Variants in FGF13 observed in about 807,000 individuals in gnomAD.
FGF13 encodes fibroblast growth factor homologous factor 2.
In FGF13, 2 loss-of-function variants were observed where a neutral mutation model predicts 19.5. That is an observed-to-expected ratio of 0.10 (90% CI 0.04 to 0.32). FGF13 has a LOEUF of 0.32. Among genes scored for constraint, FGF13 ranks in the 10% least tolerant of loss-of-function variants. FGF13 has a pLI of 1.00. For missense variants in FGF13, 113 were observed against 192.7 expected, an observed-to-expected ratio of 0.59 and a Z score of 2.45; for synonymous variants, 72 against 76.9, an observed-to-expected ratio of 0.94 and a Z score of 0.33.
intron 3 of FGF13, among the ~76,000 whole-genome samples, chrX:138,838,520 T>A (rs1376369986): frequency 2.7e-5 from 3 of 111,713 alleles, no homozygotes; most frequent in Non-Finnish European, 5.6e-5. Flanking sequence ...CTCAACTGCT[T>A]CCTTGGGTGG....
chrX:138,717,603 G>T (rs770005162), intron 1 of FGF13, among the ~76,000 whole-genome samples: 2 of 110,094 alleles, frequency 1.8e-5, no homozygotes, highest in African/African-American at 6.6e-5. Context: ...TAGTGTTTTT[G>T]TTGTTGTTGT....
chrX:139,135,750 C>T (rs2083795021), intron 1 of FGF13, among the ~76,000 whole-genome samples: 1 of 111,253 alleles, frequency 9.0e-6, no homozygotes, highest in South Asian at 3.8e-4. Context: ...GTGCTAAAAG[C>T]ATCACTGCCA....
intron 3 of FGF13, among the ~76,000 whole-genome samples, chrX:138,766,726 CA>C (rs1327863730): frequency 5.4e-5 from 6 of 111,622 alleles, no homozygotes; most frequent in African/African-American, 2.0e-4. Context: ...AACATGCCTG[CA>C]AAGAGACCAA....
chrX:138,878,614 G>A (rs1377989830), intron 1 of FGF13, among the ~76,000 whole-genome samples: 12 of 107,978 alleles, frequency 1.1e-4, no homozygotes, highest in African/African-American at 4.1e-4. Context: ...ATAAACATAC[G>A]TGTGCATGTG....
At chrX:139,119,856 G>A (rs903359441) in intron 1 of FGF13, among the ~76,000 whole-genome samples, 3 of 112,425 alleles carry the variant, frequency 2.7e-5, no homozygotes, top group Non-Finnish European at 5.6e-5. Flanking sequence ...TACAGATGAG[G>A]CAAGTGGAGC....
rs767235229 is a variant in FGF13 at position 138,969,009 on chromosome X, C to T, written c.-112-104359G>A. On this transcript the variant is annotated intron_variant, in intron 1 of 2. Transcript: ENST00000421460. ...GTAAATGCCTTATTCTGGAGCTATA[C>T]ATATTTTGGATTACTAGAAAATAAA... 1.3e-4 allele frequency among the ~76,000 whole-genome samples: 14 copies of T among 111,789 alleles called. No homozygotes were observed. The East Asian group carries it at 3.7e-3, about 29-fold the overall frequency.
intron 1 of FGF13, among the ~76,000 whole-genome samples, chrX:138,938,197 G>A (rs1435659773): frequency 2.7e-5 from 3 of 111,879 alleles, no homozygotes; most frequent in Non-Finnish European, 5.6e-5. Flanking sequence ...GCAGTCAACA[G>A]ATGGATGGTG....
intron 1 of FGF13, among the ~76,000 whole-genome samples, chrX:138,716,934 T>A (rs1307012118): frequency 8.9e-6 from 1 of 112,361 alleles, no homozygotes; most frequent in East Asian, 2.8e-4. Flanking sequence ...TCTAAATACT[T>A]AAGCTATAGA....
At chrX:138,734,160 A>G (rs1413350149) in intron 1 of FGF13, among the ~76,000 whole-genome samples, 1 of 111,960 alleles carries the variant, frequency 8.9e-6, no homozygotes, top group East Asian at 2.8e-4. Context: ...AGTGAATGAA[A>G]GAAGGCAAAG....
intron 1 of FGF13, among the ~76,000 whole-genome samples, chrX:139,109,005 A>G (rs889060542): frequency 1.8e-5 from 2 of 111,582 alleles, no homozygotes; most frequent in African/African-American, 3.3e-5. Flanking sequence ...ATGTACCTGC[A>G]AAGGACATGC....
intron 3 of FGF13, among the ~76,000 whole-genome samples, chrX:138,781,567 A>G (rs2090643174): frequency 9.0e-6 from 1 of 111,296 alleles, no homozygotes; most frequent in Non-Finnish European, 1.9e-5. Context: ...GAAAATCTAG[A>G]AGAAATGGAT....
chrX:139,203,463 G>T (rs1053399577), exon 1 of FGF13: 1 of 102,316 alleles, frequency 9.8e-6, no homozygotes, highest in Non-Finnish European at 2.0e-5. Context: ...CTTCCCGGAG[G>T]GTTGGGGTGG....
chrX:138,695,907 AAC>A (rs1232713777), intron 3 of FGF13, among the ~76,000 whole-genome samples: 1 of 112,122 alleles, frequency 8.9e-6, no homozygotes, highest in African/African-American at 3.2e-5. Context: ...GAAGATGAAA[AAC>A]ACACAAAATA....
intron 1 of FGF13, among the ~76,000 whole-genome samples, chrX:138,872,614 T>G (rs2091364235): frequency 8.9e-6 from 1 of 112,026 alleles, no homozygotes; most frequent in African/African-American, 3.2e-5. Context: ...GACCTCTAAT[T>G]TTTTTCAGAG....
At chrX:138,945,304 G>T (rs993745185) in intron 1 of FGF13, among the ~76,000 whole-genome samples, 2 of 110,932 alleles carry the variant, frequency 1.8e-5, no homozygotes, top group Admixed American at 9.6e-5. Context: ...AGTCCTAAAC[G>T]CATGGGAAAT....
intron 1 of FGF13, among the ~76,000 whole-genome samples, chrX:139,013,495 ATATATATATATATATATATATAT>A (rs2092139424): frequency 2.8e-4 from 1 of 3,558 alleles, no homozygotes; most frequent in Non-Finnish European, 1.1e-3. Flanking sequence ...ATATATATAT[ATATATATATATATATATATATAT>A]ATATATATAT....
In FGF13 at chrX:138,614,805, ATAGT is replaced by A. The variant is rs1367833321; in HGVS notation, c.*18041_*18044del. The A allele has an allele frequency of 8.9e-6, 1 of 111,936 alleles. No individual in the cohort carries two copies. The highest frequency in any genetic ancestry group is 1.9e-5 in the Non-Finnish European group (1 of 53,231). 9.2% of individuals were successfully genotyped at this position (111,936 alleles called of 1,213,427 possible). Reference sequence around the variant, plus strand: ...AACACAAATGTTGTTCAACAGGTGAATAGTTAAACTATGGCACATCTCTACCATG... The same window carrying A: ...AACACAAATGTTGTTCAACAGGTGAATAAACTATGGCACATCTCTACCATG... On this transcript the variant is annotated 3_prime_UTR_variant, in exon 5 of 5. Coordinates refer to ENST00000315930, the MANE Select transcript of FGF13 (RefSeq NM_004114.5).
chrX:138,813,858 G>A (rs897287709), intron 3 of FGF13, among the ~76,000 whole-genome samples: 1 of 111,204 alleles, frequency 9.0e-6, no homozygotes, highest in Non-Finnish European at 1.9e-5. Flanking sequence ...ATGTTTTCTG[G>A]CTTCAGTGGA....
At chrX:138,950,549 C>T (rs144748748) in intron 1 of FGF13, among the ~76,000 whole-genome samples, 1 of 111,954 alleles carries the variant, frequency 8.9e-6, no homozygotes, top group East Asian at 2.8e-4. Context: ...GTCAAAGTCC[C>T]TGCTCTTTTC....
Sources: gnomAD v4.1 joint callset for allele counts (sites outside exome capture counted in the v4.1 genomes callset) on GRCh38, gnomAD v4.1.1 for gene constraint, MANE v1.5 for transcripts, NCBI Gene and HGNC (gene_info 2026-07-23, HGNC 2026-07-21) for gene names.